The following NRG3 variants were observed in gnomAD, a reference collection of about 807,000 sequenced individuals.
The protein encoded by NRG3 is pro-neuregulin-3, membrane-bound isoform.
NRG3 carries 31 observed loss-of-function variants against 66.9 expected under a neutral mutation model. The ratio of observed to expected loss-of-function variants is 0.46; its 90% CI spans 0.35 to 0.63. NRG3 has a LOEUF of 0.63. NRG3 is among the 20% of genes least tolerant of loss of function. NRG3 has a pLI of 0.00. For missense variants in NRG3, 910 were observed against 878.9 expected (o/e 1.04, Z -0.45); for synonymous variants, 393 against 359.4 (o/e 1.09, Z -1.06).
chr10:82,615,172 T>C (rs569863283), intron 2 of NRG3, among the ~76,000 whole-genome samples: 1 of 152,306 alleles, frequency 6.6e-6, no homozygotes, highest in African/African-American at 2.4e-5. Flanking sequence ...ATTAATTTAT[T>C]ACTCATTAAC....
rs777323392 is a variant in NRG3, at chr10:82,842,681, G to T, written c.1028-22730G>T. ...GACATGTTCCAAGGCCACAGAGAACGCCTGAAACCATGGATATTACTGAAT... is the reference window on the plus strand; with the variant it reads ...GACATGTTCCAAGGCCACAGAGAACTCCTGAAACCATGGATATTACTGAAT... On this transcript the variant is annotated intron_variant, in intron 3 of 8. Transcript: ENST00000372141. Among the ~76,000 whole-genome samples the T allele has an allele frequency of 4.4e-4, 67 of 152,072 alleles. 1 individual carries two copies. Among genetic ancestry groups the T allele is most frequent in the Admixed American group, 5.2e-4 (8 of 15,268 alleles).
intron 4 of NRG3, among the ~76,000 whole-genome samples, chr10:82,896,770 G>A (rs992065476): frequency 1.3e-5 from 2 of 152,232 alleles, no homozygotes; most frequent in Non-Finnish European, 1.5e-5. Flanking sequence ...CCAGTGGACT[G>A]TAGCAGAAAC....
At chr10:82,157,741 T>G in intron 1 of NRG3, among the ~76,000 whole-genome samples, 1 of 30,410 alleles carries the variant, frequency 3.3e-5, no homozygotes, top group Non-Finnish European at 5.8e-5. Flanking sequence ...GTTTGTGGTG[T>G]TATTGTAAGT....
In NRG3 at chr10:82,698,907, C is replaced by T. The variant is rs74145349; in HGVS notation, c.954-39670C>T. On this transcript the variant is annotated intron_variant, in intron 2 of 8. Transcript: ENST00000372141. Reference sequence around the variant, plus strand: ...AAGATCTATATTTTTTCTACTATACCACACCTGTACTTCACAATATTTACA... The same window carrying T: ...AAGATCTATATTTTTTCTACTATACTACACCTGTACTTCACAATATTTACA... Among the ~76,000 whole-genome samples, 1,441 of 152,124 alleles carry T rather than the reference C, an allele frequency of 9.5e-3. 27 individuals carry two copies. Among genetic ancestry groups the T allele is most frequent in the African/African-American group, 0.033 (1,354 of 41,476 alleles).
intron 2 of NRG3, among the ~76,000 whole-genome samples, chr10:82,707,018 A>AATAAATATATAT (rs1184688350): frequency 3.2e-4 from 45 of 141,328 alleles, no homozygotes; most frequent in Admixed American, 1.3e-3. Flanking sequence ...AAATAAAATA[A>AATAAATATATAT]ATATATATAT....
At chr10:81,911,960 G>A (rs1287456570) in intron 1 of NRG3, among the ~76,000 whole-genome samples, 2 of 151,764 alleles carry the variant, frequency 1.3e-5, no homozygotes, top group Non-Finnish European at 2.9e-5. Context: ...TACTATGAGA[G>A]TAATAAATGT....
chr10:82,426,277 G>A (rs899095764), intron 2 of NRG3, among the ~76,000 whole-genome samples: 1 of 152,122 alleles, frequency 6.6e-6, no homozygotes, highest in African/African-American at 2.4e-5. Context: ...CTAAAGCTGG[G>A]ACAAGAGGAA....
chr10:82,800,558 AT>A (rs1198013017), intron 3 of NRG3, among the ~76,000 whole-genome samples: 3 of 152,176 alleles, frequency 2.0e-5, no homozygotes, highest in African/African-American at 7.2e-5. Flanking sequence ...TGTTAATGAT[AT>A]TGCCTAGCAT....
chr10:82,424,070 T>A (rs2089259636), intron 2 of NRG3, among the ~76,000 whole-genome samples: 1 of 152,070 alleles, frequency 6.6e-6, no homozygotes, highest in Non-Finnish European at 1.5e-5. Context: ...TATCTACATT[T>A]TAGCTATGGT....
chr10:82,354,127 T>A (rs2083620517), intron 1 of NRG3, among the ~76,000 whole-genome samples: 1 of 145,964 alleles, frequency 6.9e-6, no homozygotes, highest in South Asian at 2.3e-4. Context: ...CTCGACCTCC[T>A]GGGCTCAGGT....
chr10:82,834,346 T>G (rs988654432), intron 3 of NRG3, among the ~76,000 whole-genome samples: 3 of 152,180 alleles, frequency 2.0e-5, no homozygotes, highest in African/African-American at 7.2e-5. Flanking sequence ...CTCCTGAGAC[T>G]AATACCGAGT....
chr10:82,621,323 A>G (rs948809569), intron 2 of NRG3, among the ~76,000 whole-genome samples: 5 of 152,184 alleles, frequency 3.3e-5, no homozygotes, highest in African/African-American at 1.2e-4. Context: ...AAAACCCAGT[A>G]TGGGGGTCTT....
chr10:82,933,880 T>A (rs1885609), intron 4 of NRG3, among the ~76,000 whole-genome samples: 142,390 of 152,208 alleles, frequency 0.94, 66,626 homozygotes, highest in Admixed American at 0.97. Flanking sequence ...TTAACAGAAA[T>A]TTTGAGATGT....
At chr10:82,709,171 G>C (rs909351841) in intron 2 of NRG3, among the ~76,000 whole-genome samples, 1 of 152,128 alleles carries the variant, frequency 6.6e-6, no homozygotes, top group Admixed American at 6.6e-5. Context: ...TTAGTCAACG[G>C]AATTAAATAA....
chr10:82,082,804 C>T (rs1191950755), intron 1 of NRG3, among the ~76,000 whole-genome samples: 1 of 152,128 alleles, frequency 6.6e-6, no homozygotes, highest in Non-Finnish European at 1.5e-5. Context: ...CTCCAATTGA[C>T]CCTTCAAATA....
chr10:81,879,870 A>G lies in NRG3; in HGVS notation c.823+3707A>G, dbSNP rs111993312. On this transcript the variant is annotated intron_variant, in intron 1 of 8. Transcript: ENST00000372141. ...AAGCAGCCTCAGATATAATTTGTTT[A>G]AATAAAGTTACTTCTGTACATTGTA... Among the ~76,000 whole-genome samples the G allele has an allele frequency of 7.7e-3, 1,177 of 152,300 alleles. 15 individuals are homozygous for G. Among genetic ancestry groups the G allele is most frequent in the African/African-American group, 0.027 (1,128 of 41,554 alleles).
At chr10:82,200,001 T>G (rs553449908) in intron 1 of NRG3, among the ~76,000 whole-genome samples, 10 of 151,936 alleles carry the variant, frequency 6.6e-5, no homozygotes, top group Admixed American at 1.3e-4. Context: ...TCCTTCAGCC[T>G]CAGTATCCTT....
At chr10:82,749,831 G>A (rs552528484) in intron 3 of NRG3, among the ~76,000 whole-genome samples, 49 of 149,446 alleles carry the variant, frequency 3.3e-4, no homozygotes, top group Non-Finnish European at 6.8e-4. Context: ...AAGACTACCC[G>A]AAGATTAAAA....
intron 3 of NRG3, among the ~76,000 whole-genome samples, chr10:82,780,929 T>C (rs2060096638): frequency 6.6e-6 from 1 of 152,132 alleles, no homozygotes; most frequent in Non-Finnish European, 1.5e-5. Flanking sequence ...GTTGTAAAGG[T>C]TGGGGAACTT....
Sources: gnomAD v4.1 joint callset for allele counts (sites outside exome capture counted in the v4.1 genomes callset) on GRCh38, gnomAD v4.1.1 for gene constraint, MANE v1.5 for transcripts, NCBI Gene and HGNC (gene_info 2026-07-23, HGNC 2026-07-21) for gene names.